The following SYNE1 variants were observed in gnomAD, a reference collection of about 807,000 sequenced individuals.
SYNE1 encodes spectrin repeat containing nuclear envelope protein 1.
In SYNE1, 616 loss-of-function variants were observed where a neutral mutation model predicts 1,111.0. The ratio of observed to expected loss-of-function variants is 0.55; its 90% CI spans 0.52 to 0.59. The LOEUF (loss-of-function observed/expected upper bound fraction) is 0.59, where lower values mean the gene tolerates loss of function less well. Ranked by LOEUF, SYNE1 falls within the 20% of genes least tolerant of loss-of-function variation. SYNE1 has a pLI of 0.00. For missense variants in SYNE1, 10,006 were observed against 10,417.0 expected (o/e 0.96, Z 1.72); for synonymous variants, 3,855 against 3,825.8 (o/e 1.01, Z -0.28).
chr6:152,218,313 C>A lies in SYNE1; in HGVS notation c.22135G>T (p.Asp7379Tyr), dbSNP rs771546072. 1 of 1,614,064 alleles carries A rather than the reference C, an allele frequency of 6.2e-7. No individual in the cohort carries two copies. Reference sequence around the variant, plus strand: ...GAGAGGTCAGATGAGTGGCTAGGGTCCTGCCCTTGTAGTATTTCTTCAGCT... The same window carrying A: ...GAGAGGTCAGATGAGTGGCTAGGGTACTGCCCTTGTAGTATTTCTTCAGCT... ...VEAEEILQGQ[D>Y]PSHSSDLSTI... The change falls in exon 121 of 146, where the codon GAC becomes TAC. Residue 7379 changes from aspartate to tyrosine, a missense_variant. By Grantham distance (160) the Asp-to-Tyr change is radical. Transcript: ENST00000367255.
intron 5 of SYNE1, among the ~76,000 whole-genome samples, chr6:152,525,686 T>C (rs1024316677): frequency 3.9e-5 from 6 of 152,136 alleles, no homozygotes; most frequent in African/African-American, 1.2e-4. Flanking sequence ...TAAACAACTA[T>C]ATAAATACAC....
chr6:152,616,338 T>C (rs1472608471), intron 3 of SYNE1, among the ~76,000 whole-genome samples: 1 of 151,966 alleles, frequency 6.6e-6, no homozygotes, highest in Non-Finnish European at 1.5e-5. Context: ...CTTTGGGAGG[T>C]TGGGCAGGAG....
intron 98 of SYNE1, among the ~76,000 whole-genome samples, chr6:152,272,652 A>G (rs994660863): frequency 3.3e-5 from 5 of 152,342 alleles, no homozygotes; most frequent in African/African-American, 1.2e-4. Flanking sequence ...ACAAAAAAGC[A>G]TAGTCATTCA....
intron 115 of SYNE1, among the ~76,000 whole-genome samples, chr6:152,228,163 C>T (rs1005716630): frequency 1.3e-4 from 20 of 152,120 alleles, no homozygotes; most frequent in Non-Finnish European, 1.8e-4. Flanking sequence ...GTATCAAGAC[C>T]TGTAGTATAG....
At chr6:152,178,197 A>G (rs1015924022) in intron 129 of SYNE1, among the ~76,000 whole-genome samples, 3 of 152,056 alleles carry the variant, frequency 2.0e-5, no homozygotes, top group African/African-American at 7.2e-5. Flanking sequence ...TGTTCAAGAG[A>G]TGGTTTTTTT....
At chr6:152,433,696 A>C in intron 34 of SYNE1, 99 bp downstream of exon 34, 1 of 1,409,418 alleles carries the variant, frequency 7.1e-7, no homozygotes, top group Non-Finnish European at 1.0e-6. Context: ...CATTGCAATG[A>C]AAGTCTTGTC....
At chr6:152,457,657 T>C (rs1299154836) in intron 22 of SYNE1, among the ~76,000 whole-genome samples, 1 of 152,156 alleles carries the variant, frequency 6.6e-6, no homozygotes, top group African/African-American at 2.4e-5. Flanking sequence ...ATCTCATAAG[T>C]CAGAGGTTAT....
At chr6:152,364,734 A>AAGGAAGGAAGGG in intron 63 of SYNE1, 113 bp downstream of exon 63, 1 of 1,126,632 alleles carries the variant, frequency 8.9e-7, no homozygotes, top group Non-Finnish European at 1.3e-6. Context: ...GGAAGGGAGG[A>AAGGAAGGAAGGG]AGGAAAGGAA....
chr6:152,190,778 T>C (rs531143690), intron 127 of SYNE1, among the ~76,000 whole-genome samples: 1 of 152,330 alleles, frequency 6.6e-6, no homozygotes, highest in South Asian at 2.1e-4. Context: ...TTCAGCTGTT[T>C]TAATTTTTAA....
chr6:152,351,887 A>T, intron 70 of SYNE1, 140 bp downstream of exon 70: 1 of 755,498 alleles, frequency 1.3e-6, no homozygotes. Context: ...AGGTCATGGC[A>T]TCACTGGTCA....
chr6:152,369,224 C>A, intron 60 of SYNE1, 97 bp from the exon 61 acceptor site: 1 of 1,516,908 alleles, frequency 6.6e-7, no homozygotes, highest in Non-Finnish European at 8.9e-7. Flanking sequence ...CACTGGCAGG[C>A]AGTCCGTGTA....
chr6:152,572,895 T>C (rs1595609476), intron 3 of SYNE1, among the ~76,000 whole-genome samples: 2 of 152,258 alleles, frequency 1.3e-5, no homozygotes, highest in East Asian at 3.9e-4. Context: ...CAAAAACAAA[T>C]CAGCCACAAA....
At chr6:152,218,058 G>A (rs2079174052) in intron 121 of SYNE1, among the ~76,000 whole-genome samples, 199 bp downstream of exon 121, 2 of 152,010 alleles carry the variant, frequency 1.3e-5, no homozygotes, top group Non-Finnish European at 2.9e-5. Context: ...AGCCAGGAGT[G>A]GTGGCGTGCC....
At chr6:152,361,917 T>C (rs757375116) in intron 64 of SYNE1, among the ~76,000 whole-genome samples, 2 of 151,762 alleles carry the variant, frequency 1.3e-5, no homozygotes, top group Non-Finnish European at 2.9e-5. Flanking sequence ...TTCATGGTGC[T>C]ACATTTTAAA....
In SYNE1 at chr6:152,200,082, G is replaced by A. The variant is rs147044846; in HGVS notation, c.23145+1742C>T. Among the ~76,000 whole-genome samples, 574 of 152,148 alleles carry A rather than the reference G, an allele frequency of 3.8e-3. 4 individuals are homozygous for A. Among genetic ancestry groups the A allele is most frequent in the African/African-American group, 0.013 (525 of 41,496 alleles). ...ACACCGATTTCTACCCCCCCAACTC[G>A]AGCATCAGATTTGTATATGGATTTA... On this transcript the variant is annotated intron_variant, in intron 127 of 145. Transcript: ENST00000367255.
intron 2 of SYNE1, among the ~76,000 whole-genome samples, chr6:152,631,413 C>T (rs1316674747): frequency 1.3e-5 from 2 of 152,072 alleles, no homozygotes; most frequent in East Asian, 1.9e-4. Flanking sequence ...GTCCAGATGG[C>T]GCAGGGCCCT....
At chr6:152,544,817 C>T (rs1232721380) in intron 3 of SYNE1, among the ~76,000 whole-genome samples, 2 of 152,192 alleles carry the variant, frequency 1.3e-5, no homozygotes, top group Non-Finnish European at 2.9e-5. Flanking sequence ...CTTAAACATG[C>T]ACCCGGAAGC....
intron 135 of SYNE1, among the ~76,000 whole-genome samples, chr6:152,150,062 C>T (rs892395585): frequency 1.3e-5 from 2 of 152,130 alleles, no homozygotes; most frequent in African/African-American, 2.4e-5. Context: ...AAAGAAATAT[C>T]CCGATCATTT....
intron 3 of SYNE1, among the ~76,000 whole-genome samples, chr6:152,605,825 A>AT (rs764693772): frequency 7.2e-5 from 11 of 151,970 alleles, no homozygotes; most frequent in South Asian, 4.2e-4. Context: ...TTAAAAAGGT[A>AT]TTTTTTTTCT....
Sources: allele counts gnomAD v4.1 joint callset (sites outside exome capture counted in the v4.1 genomes callset), GRCh38; gene constraint gnomAD v4.1.1; transcripts MANE v1.5; gene names NCBI Gene and HGNC (gene_info 2026-07-23, HGNC 2026-07-21).